The following SERGEF variants were observed in gnomAD, a reference collection of about 807,000 sequenced individuals.
SERGEF encodes the protein secretion-regulating guanine nucleotide exchange factor.
A neutral mutation model predicts 50.0 loss-of-function variants in SERGEF; 51 were observed. That is an observed-to-expected ratio of 1.02 (90% confidence interval 0.81 to 1.29). The LOEUF (loss-of-function observed/expected upper bound fraction) is 1.29. Ranked by LOEUF, SERGEF falls within the 50% of genes most tolerant of loss-of-function variation. The probability of loss-of-function intolerance (pLI) is 0.00; values close to 1 mark genes in which losing one functional copy is unlikely to be tolerated. For missense variants in SERGEF, 521 were observed against 557.0 expected, an observed-to-expected ratio of 0.94 and a Z score of 0.65; for synonymous variants, 205 against 212.4, an observed-to-expected ratio of 0.97 and a Z score of 0.30.
chr11:17,947,718 A>G (rs1852690984), intron 9 of SERGEF, among the ~76,000 whole-genome samples: 1 of 152,214 alleles, frequency 6.6e-6, no homozygotes, highest in South Asian at 2.1e-4. Flanking sequence ...CCACTATGTT[A>G]GCTCTGGTAT....
At chr11:17,927,194 T>C (rs936390748) in intron 9 of SERGEF, among the ~76,000 whole-genome samples, 1 of 152,178 alleles carries the variant, frequency 6.6e-6, no homozygotes, top group East Asian at 1.9e-4. Context: ...TAACCCACAC[T>C]AGAGACTCAT....
chr11:18,008,726 G>A (rs935730038), intron 1 of SERGEF, among the ~76,000 whole-genome samples: 21 of 151,664 alleles, frequency 1.4e-4, no homozygotes, highest in African/African-American at 4.4e-4. Flanking sequence ...GCTACGAGTC[G>A]TTGGCAGGTG....
At chr11:17,857,306 A>G (rs1373735074) in intron 10 of SERGEF, among the ~76,000 whole-genome samples, 1 of 152,176 alleles carries the variant, frequency 6.6e-6, no homozygotes, top group East Asian at 1.9e-4. Context: ...TTCTGTAAAG[A>G]TTAGGCTGTT....
chr11:17,918,623 C>G, intron 9 of SERGEF: 1 of 311,922 alleles, frequency 3.2e-6, no homozygotes, highest in Non-Finnish European at 6.2e-6. Flanking sequence ...AAAGCAGGAA[C>G]AGACACACAC....
At chr11:17,789,590 G>A (rs1384695614) in intron 10 of SERGEF, among the ~76,000 whole-genome samples, 1 of 151,878 alleles carries the variant, frequency 6.6e-6, no homozygotes, top group Non-Finnish European at 1.5e-5. Context: ...AAATCTTCTG[G>A]ACATAAAAAT....
intron 9 of SERGEF, among the ~76,000 whole-genome samples, chr11:17,941,694 C>A (rs1852565233): frequency 6.6e-6 from 1 of 152,176 alleles, no homozygotes; most frequent in African/African-American, 2.4e-5. Flanking sequence ...TTTTAATGCT[C>A]TGAGGAACTG....
At chr11:17,843,365 C>T (rs1309043794) in intron 10 of SERGEF, among the ~76,000 whole-genome samples, 2 of 152,210 alleles carry the variant, frequency 1.3e-5, no homozygotes, top group East Asian at 3.9e-4. Flanking sequence ...TACTATATGT[C>T]AAGCACTCTG....
At chr11:17,921,458 C>T (rs1852154350) in intron 9 of SERGEF, among the ~76,000 whole-genome samples, 2 of 152,284 alleles carry the variant, frequency 1.3e-5, no homozygotes, top group South Asian at 4.1e-4. Context: ...TCAGTAAATG[C>T]TGATTTTCTT....
At chr11:17,791,370 G>A (rs1849481978) in intron 10 of SERGEF, among the ~76,000 whole-genome samples, 1 of 152,134 alleles carries the variant, frequency 6.6e-6, no homozygotes, top group South Asian at 2.1e-4. Context: ...TTTCAGAAAG[G>A]CTACTTGCAT....
In SERGEF at chr11:18,008,044, G is replaced by A. The variant is rs763453079; in HGVS notation, c.93C>T (p.Gly31=). ...GANSYGQLGL[G]HKEDVLLPQQ... is the part of the protein sequence containing the mutation. ...GGGGCAACAGCACATCTTCCTTATG[G>A]CCGAGGCCAAGTTGCCCATAGCTAT... Residue 31 remains glycine, a synonymous_variant, in exon 2 of 11, where the codon GGC becomes GGT. Coordinates refer to ENST00000265965, the MANE Select transcript of SERGEF (RefSeq NM_012139.4). 3.0e-5 allele frequency: 49 copies of A among 1,614,094 alleles called. No individual in the cohort carries two copies. The highest frequency in any genetic ancestry group is 4.2e-5 in the Non-Finnish European group (49 of 1,179,988).
intron 10 of SERGEF, among the ~76,000 whole-genome samples, chr11:17,820,780 A>T (rs1850066513): frequency 6.6e-6 from 1 of 152,200 alleles, no homozygotes; most frequent in African/African-American, 2.4e-5. Context: ...AGATTATCTG[A>T]GTGAGCCTAA....
chr11:17,905,259 A>C (rs1169788821), intron 9 of SERGEF, among the ~76,000 whole-genome samples: 1 of 152,268 alleles, frequency 6.6e-6, no homozygotes, highest in Non-Finnish European at 1.5e-5. Flanking sequence ...ATGTTCTAAC[A>C]AACATTGTCT....
intron 4 of SERGEF, 73 bp from the exon 5 acceptor site, chr11:18,000,630 T>A: frequency 9.6e-7 from 1 of 1,040,516 alleles, no homozygotes; most frequent in Non-Finnish European, 1.5e-6. Flanking sequence ...TTATACCAAA[T>A]ACAATGCAGT....
At chr11:17,945,993 C>CA (rs911290135) in intron 9 of SERGEF, among the ~76,000 whole-genome samples, 1 of 151,774 alleles carries the variant, frequency 6.6e-6, no homozygotes, top group Non-Finnish European at 1.5e-5. Flanking sequence ...AAACAAAAAA[C>CA]AAAAAACAAA....
intron 1 of SERGEF, among the ~76,000 whole-genome samples, chr11:18,012,308 C>T (rs1197990182): frequency 1.3e-5 from 2 of 152,178 alleles, no homozygotes; most frequent in East Asian, 3.9e-4. Context: ...TGCTGGTCGG[C>T]CACCTGCCAC....
chr11:17,932,881 C>T (rs1852381774), intron 9 of SERGEF, among the ~76,000 whole-genome samples: 1 of 152,156 alleles, frequency 6.6e-6, no homozygotes, highest in South Asian at 2.1e-4. Flanking sequence ...TAAAGAGCAT[C>T]ATTATATTTT....
chr11:17,800,962 G>A (rs539853267), intron 10 of SERGEF, among the ~76,000 whole-genome samples: 12 of 152,104 alleles, frequency 7.9e-5, no homozygotes, highest in Admixed American at 2.0e-4. Flanking sequence ...TTGGGAGGCC[G>A]AGGCGGGTGG....
intron 8 of SERGEF, among the ~76,000 whole-genome samples, chr11:17,973,556 G>A: frequency 6.6e-6 from 1 of 152,166 alleles, no homozygotes; most frequent in Non-Finnish European, 1.5e-5. Flanking sequence ...GTAGGGAAGG[G>A]AAGGAGCCTA....
intron 9 of SERGEF, among the ~76,000 whole-genome samples, chr11:17,933,171 G>T (rs993690389): frequency 2.6e-5 from 4 of 152,194 alleles, no homozygotes; most frequent in African/African-American, 9.6e-5. Flanking sequence ...GATGATTTGA[G>T]GTTCTACAGG....
Sources: gnomAD v4.1 joint callset for allele counts (sites outside exome capture counted in the v4.1 genomes callset) on GRCh38, gnomAD v4.1.1 for gene constraint, MANE v1.5 for transcripts, NCBI Gene and HGNC (gene_info 2026-07-23, HGNC 2026-07-21) for gene names.